The following ZPBP variants were observed in gnomAD, a reference collection of about 807,000 sequenced individuals.
ZPBP encodes zona pellucida binding protein.
Under a neutral mutation model 44.8 loss-of-function variants are expected in ZPBP, and 26 were observed. That is an observed-to-expected ratio of 0.58 (90% CI 0.43 to 0.81). The LOEUF (loss-of-function observed/expected upper bound fraction) is 0.81. Among genes scored for constraint, ZPBP ranks in the 30% least tolerant of loss-of-function variants. ZPBP has a pLI of 0.00. For synonymous variants in ZPBP, 174 were observed against 153.2 expected (o/e 1.14, Z -1.00); for missense variants, 409 against 434.0 (o/e 0.94, Z 0.51).
chr7:49,840,733 T>C, the ZPBP span, among the ~76,000 whole-genome samples: 2 of 152,188 alleles, frequency 1.3e-5, no homozygotes, highest in Admixed American at 6.5e-5. Context: ...ACTCTTTTAT[T>C]GTTCATTTTT....
intron 6 of ZPBP, among the ~76,000 whole-genome samples, chr7:49,999,897 A>T: frequency 6.6e-6 from 1 of 152,168 alleles, no homozygotes; most frequent in Non-Finnish European, 1.5e-5. Context: ...TGACACATAA[A>T]AACCACAGGA....
intron 6 of ZPBP, among the ~76,000 whole-genome samples, chr7:49,993,023 G>T (rs1797635550): frequency 6.6e-6 from 1 of 152,040 alleles, no homozygotes; most frequent in African/African-American, 2.4e-5. Flanking sequence ...GGTTCTTAAG[G>T]CCTTGTATAT....
chr7:49,982,586 A>G lies in ZPBP; in HGVS notation c.961+756T>C, dbSNP rs200716938. Among the ~76,000 whole-genome samples, 4 of 151,194 alleles carry G rather than the reference A, an allele frequency of 2.6e-5. No homozygotes were observed. In the East Asian group the frequency reaches 7.7e-4, roughly 29 times the overall value. On this transcript the variant is annotated intron_variant, in intron 7 of 7. Transcript: ENST00000046087. ...AAGGAAGACCCTCACTGAATGCTCAATCTCAAACTTCTCAGCCATCAGAAT... is the reference window on the plus strand; with the variant it reads ...AAGGAAGACCCTCACTGAATGCTCAGTCTCAAACTTCTCAGCCATCAGAAT...
intron 3 of ZPBP, 93 bp from the exon 4 acceptor site, chr7:50,058,234 C>A: frequency 7.4e-7 from 1 of 1,342,836 alleles, no homozygotes; most frequent in Non-Finnish European, 1.1e-6. Flanking sequence ...CATAATTTAC[C>A]AACACAGTCA....
intron 3 of ZPBP, among the ~76,000 whole-genome samples, chr7:50,072,879 G>A (rs1438163359): frequency 6.6e-6 from 1 of 152,108 alleles, no homozygotes; most frequent in South Asian, 2.1e-4. Context: ...TCCTAAAACA[G>A]ATACAACTTA....
chr7:50,034,695 C>T (rs1799750593), intron 4 of ZPBP, among the ~76,000 whole-genome samples: 1 of 151,924 alleles, frequency 6.6e-6, no homozygotes, highest in Non-Finnish European at 1.5e-5. Context: ...ATCAGGCTCA[C>T]CTGTTCAACT....
the ZPBP span, among the ~76,000 whole-genome samples, chr7:49,843,566 T>C: frequency 6.6e-6 from 1 of 152,190 alleles, no homozygotes; most frequent in Non-Finnish European, 1.5e-5. Context: ...AAAAAACTAA[T>C]CATTCAATGA....
intron 4 of ZPBP, among the ~76,000 whole-genome samples, chr7:50,039,440 C>T (rs1037048007): frequency 1.3e-5 from 2 of 152,058 alleles, no homozygotes; most frequent in Non-Finnish European, 2.9e-5. Context: ...AAACAAAGTG[C>T]ACCAATTAAG....
chr7:49,901,575 T>C (rs1022474929), intron 1 of ZPBP, among the ~76,000 whole-genome samples: 3 of 151,738 alleles, frequency 2.0e-5, no homozygotes, highest in Non-Finnish European at 3.0e-5. Flanking sequence ...AATAGAGAGA[T>C]GTTTCAAGTT....
chr7:50,033,677 A>AGTTTGTTTGTTTGTTT (rs1170592952), intron 4 of ZPBP, among the ~76,000 whole-genome samples: 45 of 46,236 alleles, frequency 9.7e-4, no homozygotes, highest in Admixed American at 1.5e-3. Context: ...TTCTTTCTAC[A>AGTTTGTTTGTTTGTTT]GTTTATTTAT....
At chr7:50,011,162 T>C (rs1362335648) in intron 6 of ZPBP, among the ~76,000 whole-genome samples, 2 of 152,084 alleles carry the variant, frequency 1.3e-5, no homozygotes, top group African/African-American at 4.8e-5. Context: ...GCAACCCACA[T>C]GTAGGAGAAT....
chr7:50,083,066 T>C (rs1185416009), intron 2 of ZPBP, among the ~76,000 whole-genome samples: 2 of 151,878 alleles, frequency 1.3e-5, no homozygotes, highest in African/African-American at 4.8e-5. Context: ...TCCTCATCTT[T>C]GGAGACTCAG....
At chr7:49,892,995 A>G (rs1792210075) in intron 2 of ZPBP, among the ~76,000 whole-genome samples, 2 of 152,324 alleles carry the variant, frequency 1.3e-5, no homozygotes, top group African/African-American at 2.4e-5. Context: ...AATTTATTTG[A>G]CAGCGGGGAC....
chr7:49,852,021 G>A (rs945848231), intron 2 of ZPBP, among the ~76,000 whole-genome samples: 1 of 152,150 alleles, frequency 6.6e-6, no homozygotes, highest in African/African-American at 2.4e-5. Flanking sequence ...TGTCAGCCTA[G>A]GGTCCGGATT....
chr7:50,039,553 A>G (rs1799973682), intron 4 of ZPBP, among the ~76,000 whole-genome samples: 1 of 152,200 alleles, frequency 6.6e-6, no homozygotes, highest in African/African-American at 2.4e-5. Context: ...TATATAACAT[A>G]TAAATTGGGC....
At chr7:50,064,723 C>A (rs1801416905) in intron 3 of ZPBP, among the ~76,000 whole-genome samples, 1 of 152,234 alleles carries the variant, frequency 6.6e-6, no homozygotes. Context: ...ATTCCCTGAA[C>A]AATTGCTGTT....
intron 6 of ZPBP, among the ~76,000 whole-genome samples, chr7:49,988,716 A>C (rs1797431504): frequency 6.6e-6 from 1 of 152,230 alleles, no homozygotes; most frequent in Non-Finnish European, 1.5e-5. Flanking sequence ...AGGCAGTCTC[A>C]AATGCAGGTT....
At chr7:50,054,290 A>G (rs1800827484) in intron 4 of ZPBP, among the ~76,000 whole-genome samples, 1 of 152,198 alleles carries the variant, frequency 6.6e-6, no homozygotes, top group Non-Finnish European at 1.5e-5. Flanking sequence ...TTCTGTTAGT[A>G]TAAACATCTT....
chr7:50,013,338 T>C (rs2128663), intron 6 of ZPBP, among the ~76,000 whole-genome samples: 43,882 of 151,804 alleles, frequency 0.29, 6,996 homozygotes, highest in Non-Finnish European at 0.37. Context: ...CTGTAAAGAA[T>C]AGAGTAATTT....
Sources: allele counts gnomAD v4.1 joint callset (sites outside exome capture counted in the v4.1 genomes callset), GRCh38; gene constraint gnomAD v4.1.1; transcripts MANE v1.5; gene names NCBI Gene and HGNC (gene_info 2026-07-23, HGNC 2026-07-21).